Variants in MTMR10 observed in about 807,000 individuals in gnomAD.
MTMR10 encodes the protein myotubularin related protein 10, also known as myotubularin-related protein 10.
MTMR10 carries 56 observed loss-of-function variants against 88.1 expected under a neutral mutation model. The ratio of observed to expected loss-of-function variants is 0.64; its 90% CI spans 0.51 to 0.79. MTMR10 has a LOEUF of 0.79. MTMR10 is among the 30% of genes least tolerant of loss of function. The pLI is 0.00. For synonymous variants in MTMR10, 380 were observed against 340.9 expected (o/e 1.11, Z -1.26); for missense variants, 883 against 924.7 (o/e 0.95, Z 0.58).
chr15:30,967,796 C>G, intron 6 of MTMR10, 124 bp downstream of exon 6: 1 of 738,578 alleles, frequency 1.4e-6, no homozygotes, highest in Non-Finnish European at 2.1e-6. Context: ...GCTTACTTCT[C>G]TAAGGTATGA....
At chr15:30,979,858 T>C (rs779924233) in intron 2 of MTMR10, among the ~76,000 whole-genome samples, 1 of 152,266 alleles carries the variant, frequency 6.6e-6, no homozygotes, top group Non-Finnish European at 1.5e-5. Flanking sequence ...TGGTAAACCA[T>C]GGCCCACGGG....
chr15:30,951,509 A>T (rs2063245648), intron 12 of MTMR10, among the ~76,000 whole-genome samples: 1 of 54,576 alleles, frequency 1.8e-5, no homozygotes. Flanking sequence ...ACTGGTTTTT[A>T]TTTATTTTTT....
intron 15 of MTMR10, chr15:30,942,549 T>C (rs1243291353): frequency 3.0e-6 from 1 of 334,144 alleles, no homozygotes; most frequent in Admixed American, 4.4e-5. Context: ...GACAAGAATA[T>C]AGCAGTCAGG....
chr15:30,959,033 C>T lies in MTMR10; in HGVS notation c.846+1G>A. 6.2e-7 allele frequency: 1 copy of T among 1,613,742 alleles called. No individual in the cohort carries two copies. Among genetic ancestry groups the T allele is most frequent in the Non-Finnish European group, 8.5e-7 (1 of 1,179,678 alleles). On this transcript the variant is annotated splice_donor_variant, in intron 8 of 15. Coordinates refer to ENST00000435680, the MANE Select transcript of MTMR10 (RefSeq NM_017762.3). LOFTEE classifies it high-confidence loss of function. ...CATAAAATCCAACAGAAATCACTTA[C>T]TGGCATCCTTCTCCCAACAAAAGAA...
intron 5 of MTMR10, among the ~76,000 whole-genome samples, chr15:30,971,527 CA>C (rs1256144713): frequency 1.2e-4 from 18 of 152,160 alleles, no homozygotes; most frequent in Admixed American, 6.6e-5. Context: ...ATGAAAAGGC[CA>C]ACTTGTTCCT....
intron 9 of MTMR10, chr15:30,956,278 G>C (rs1005462035): frequency 6.6e-6 from 1 of 152,192 alleles, no homozygotes; most frequent in Non-Finnish European, 1.5e-5. Context: ...GAACCTGCAT[G>C]TCATCTTTGT....
the MTMR10 span, chr15:30,930,486 C>T: frequency 6.5e-7 from 1 of 1,545,906 alleles, no homozygotes; most frequent in African/African-American, 1.4e-5. Context: ...TCCCTGGAGC[C>T]TATTTCCATT....
intron 5 of MTMR10, among the ~76,000 whole-genome samples, chr15:30,969,533 A>C (rs10162836): frequency 0.017 from 2,560 of 152,206 alleles, 68 homozygotes; most frequent in African/African-American, 0.059. Context: ...ATAGTTGTCC[A>C]TTTTGCTACA....
At chr15:30,944,425 G>A (rs1343796782) in intron 14 of MTMR10, among the ~76,000 whole-genome samples, 4 of 151,800 alleles carry the variant, frequency 2.6e-5, no homozygotes, top group Non-Finnish European at 5.9e-5. Flanking sequence ...AATTAGCCAG[G>A]CATGGTGGTG....
At position 30,939,189 on chromosome 15, in the gene MTMR10, AAATAAAG is replaced by A. The variant is rs1222799007; in HGVS notation, c.*2274_*2280del. 3.0e-6 allele frequency: 3 copies of A among 985,288 alleles called. No individual in the cohort carries two copies. In the African/African-American group the frequency reaches 5.2e-5, roughly 17 times the overall value. 61.0% of individuals were successfully genotyped at this position (985,288 alleles called of 1,614,324 possible). ...TAGTACAAATTAATATCCTTTCCTT[AAATAAAG>A]TTAGTTAGCTATTTTTGGTTTCAAA... On this transcript the variant is annotated 3_prime_UTR_variant, in exon 16 of 16. Transcript: ENST00000435680.
the MTMR10 span, chr15:30,928,648 G>T: frequency 1.2e-6 from 2 of 1,613,812 alleles, no homozygotes; most frequent in East Asian, 2.2e-5. Flanking sequence ...CTTCAGAAAC[G>T]CCTGTCAGGT....
chr15:30,953,562 CT>C lies in MTMR10; in HGVS notation c.1135del (p.Arg379GlyfsTer14). On this transcript the variant is annotated frameshift_variant and splice_region_variant, in exon 11 of 16. Coordinates refer to ENST00000435680, the MANE Select transcript of MTMR10 (RefSeq NM_017762.3). LOFTEE classifies it high-confidence loss of function. ...GAAAAGAAAGTAAAGAAGTACAAAC[CT>C]TACATATTCTAACCATCGAGTATTT... is the stretch of plus-strand genomic sequence containing the variant. ...LENTRWLEYV[R>X]AFLKHSAELV... 6.5e-7 allele frequency: 1 copy of C among 1,536,122 alleles called. No individual in the cohort carries two copies. The highest frequency in any genetic ancestry group is 8.8e-7 in the Non-Finnish European group (1 of 1,134,498).
intron 12 of MTMR10, 124 bp from the exon 13 acceptor site, chr15:30,948,595 G>T (rs1161319433): frequency 3.1e-6 from 3 of 960,704 alleles, no homozygotes; most frequent in African/African-American, 1.7e-5. Context: ...ATCTGTATAA[G>T]GAAATTTTAC....
the MTMR10 span, chr15:30,928,163 G>A: frequency 1.3e-5 from 13 of 1,013,644 alleles, no homozygotes; most frequent in Non-Finnish European, 1.5e-5. Context: ...CGGCATCAGG[G>A]CCTGCATGGG....
At chr15:30,943,702 G>A (rs778389892) in intron 14 of MTMR10, 153 of 985,120 alleles carry the variant, frequency 1.6e-4, no homozygotes, top group Non-Finnish European at 1.8e-4. Context: ...GACTCTGGGC[G>A]GGTGCAGCCT....
the MTMR10 span, chr15:30,925,887 C>T: frequency 6.2e-7 from 1 of 1,614,208 alleles, no homozygotes; most frequent in Non-Finnish European, 8.5e-7. Flanking sequence ...CGGTCCTGTG[C>T]TCTGTGGAGG....
At chr15:30,954,268 T>C (rs1326326371) in intron 10 of MTMR10, among the ~76,000 whole-genome samples, 2 of 152,332 alleles carry the variant, frequency 1.3e-5, no homozygotes, top group Admixed American at 6.5e-5. Flanking sequence ...AGAGGATCTC[T>C]TGAGGAGGAC....
chr15:30,927,246 C>T, the MTMR10 span: 2 of 985,296 alleles, frequency 2.0e-6, no homozygotes, highest in Non-Finnish European at 1.2e-6. Flanking sequence ...AATGATCTGG[C>T]CTTTATATTC....
chr15:30,929,372 G>A, the MTMR10 span: 38 of 1,607,072 alleles, frequency 2.4e-5, 1 homozygote, highest in African/African-American at 9.4e-5. Context: ...AGCTGGGATC[G>A]CTTCACGTCT....
Sources: allele counts gnomAD v4.1 joint callset (sites outside exome capture counted in the v4.1 genomes callset), GRCh38; gene constraint gnomAD v4.1.1; transcripts MANE v1.5; gene names NCBI Gene and HGNC (gene_info 2026-07-23, HGNC 2026-07-21).